Variants in SPAG16 observed in about 807,000 individuals in gnomAD.
SPAG16 encodes sperm-associated antigen 16 protein.
A neutral mutation model predicts 80.4 loss-of-function variants in SPAG16; 86 were observed. The ratio of observed to expected loss-of-function variants is 1.07; its 90% CI spans 0.90 to 1.28. The LOEUF is 1.28. Among genes scored for constraint, SPAG16 ranks in the 50% most tolerant of loss-of-function variants. SPAG16 has a pLI of 0.00. For synonymous variants in SPAG16, 294 were observed against 265.9 expected, an observed-to-expected ratio of 1.11 and a Z score of -1.03; for missense variants, 870 against 765.3, an observed-to-expected ratio of 1.14 and a Z score of -1.61.
chr2:213,310,425 ATTTAAG>A (rs1303501333), intron 4 of SPAG16, among the ~76,000 whole-genome samples: 24 of 151,956 alleles, frequency 1.6e-4, no homozygotes, highest in African/African-American at 1.4e-4. Context: ...TTTCCCAAAT[ATTTAAG>A]TTTAAGTAAT....
At chr2:213,565,973 G>A (rs936898048) in intron 10 of SPAG16, among the ~76,000 whole-genome samples, 1 of 152,156 alleles carries the variant, frequency 6.6e-6, no homozygotes, top group African/African-American at 2.4e-5. Context: ...GGTTGGAAAA[G>A]GAGTAAAAGC....
intron 7 of SPAG16, among the ~76,000 whole-genome samples, chr2:213,363,706 T>A (rs578039911): frequency 2.6e-5 from 4 of 152,088 alleles, no homozygotes; most frequent in Non-Finnish European, 5.9e-5. Context: ...TTACCTTGTA[T>A]TTTATAAATA....
At chr2:214,305,207 AT>A (rs1694830109) in intron 15 of SPAG16, among the ~76,000 whole-genome samples, 1 of 152,060 alleles carries the variant, frequency 6.6e-6, no homozygotes, top group African/African-American at 2.4e-5. Context: ...TCCGTTGCTC[AT>A]TTTTTAATGG....
intron 5 of SPAG16, among the ~76,000 whole-genome samples, chr2:213,334,780 GTA>G (rs2064269944): frequency 6.6e-6 from 1 of 152,168 alleles, no homozygotes; most frequent in African/African-American, 2.4e-5. Context: ...GAGATAGAGA[GTA>G]GAAGGATGGT....
At chr2:213,440,174 A>T (rs2070857663) in intron 9 of SPAG16, among the ~76,000 whole-genome samples, 2 of 152,332 alleles carry the variant, frequency 1.3e-5, no homozygotes, top group East Asian at 3.9e-4. Flanking sequence ...TGAATAAGCA[A>T]TATCAACTCA....
rs548493263 is a variant in SPAG16 at position 213,312,097 on chromosome 2, T to C, written c.398+1920T>C. Among the ~76,000 whole-genome samples, 6 of 151,788 alleles carry C rather than the reference T, an allele frequency of 4.0e-5. No individual in the cohort carries two copies. In the East Asian group the frequency reaches 1.2e-3, roughly 29 times the overall value. On this transcript the variant is annotated intron_variant, in intron 4 of 15. Transcript: ENST00000331683. ...AGATATAACCTTTCTTTAGGTATTG[T>C]ATATGGCTGCTTTCACTCTGTAAAA...
At chr2:214,131,299 G>C (rs959106104) in intron 14 of SPAG16, among the ~76,000 whole-genome samples, 11 of 151,496 alleles carry the variant, frequency 7.3e-5, no homozygotes, top group Non-Finnish European at 1.3e-4. Context: ...GAGAGCAGGA[G>C]TTTGAGATTA....
intron 15 of SPAG16, among the ~76,000 whole-genome samples, chr2:214,273,712 T>C (rs1031808889): frequency 2.0e-5 from 3 of 147,634 alleles, no homozygotes; most frequent in Non-Finnish European, 4.5e-5. Context: ...TGTAACATAG[T>C]TTGAAGTCAG....
At chr2:214,109,285 G>T (rs1290877669) in intron 14 of SPAG16, among the ~76,000 whole-genome samples, 1 of 152,140 alleles carries the variant, frequency 6.6e-6, no homozygotes, top group African/African-American at 2.4e-5. Context: ...GTCTTTAAAA[G>T]GGTTCAGATA....
intron 15 of SPAG16, among the ~76,000 whole-genome samples, chr2:214,318,916 G>A (rs1356168201): frequency 6.6e-6 from 1 of 152,096 alleles, no homozygotes; most frequent in African/African-American, 2.4e-5. Flanking sequence ...TAAGTTATGA[G>A]CAACTAAAAG....
chr2:214,404,785 G>T (rs1701904270), intron 15 of SPAG16, among the ~76,000 whole-genome samples: 1 of 152,022 alleles, frequency 6.6e-6, no homozygotes, highest in African/African-American at 2.4e-5. Context: ...AAAATAATTA[G>T]TATTCATAAT....
chr2:214,331,072 G>T (rs1360266883), intron 15 of SPAG16, among the ~76,000 whole-genome samples: 1 of 152,104 alleles, frequency 6.6e-6, no homozygotes, highest in East Asian at 1.9e-4. Flanking sequence ...ATCACCCTGG[G>T]CTATCATCTA....
intron 10 of SPAG16, among the ~76,000 whole-genome samples, chr2:213,574,497 G>A (rs111986184): frequency 1.3e-5 from 2 of 151,842 alleles, no homozygotes; most frequent in Non-Finnish European, 2.9e-5. Flanking sequence ...AATCCCATGT[G>A]CCAAGAAGGA....
chr2:213,530,390 T>C (rs927719858), intron 10 of SPAG16, among the ~76,000 whole-genome samples: 1 of 152,218 alleles, frequency 6.6e-6, no homozygotes, highest in African/African-American at 2.4e-5. Flanking sequence ...TGTAATCTTA[T>C]GGGACCACCA....
At chr2:213,694,036 G>T (rs2065053868) in intron 10 of SPAG16, among the ~76,000 whole-genome samples, 1 of 125,004 alleles carries the variant, frequency 8.0e-6, no homozygotes, top group South Asian at 2.5e-4. Flanking sequence ...GGTGCTTTAT[G>T]CAAGACAAAA....
At chr2:213,770,996 G>A (rs2069212889) in intron 10 of SPAG16, among the ~76,000 whole-genome samples, 1 of 152,120 alleles carries the variant, frequency 6.6e-6, no homozygotes, top group Non-Finnish European at 1.5e-5. Flanking sequence ...GGATTGCTGG[G>A]TCAAATGGTT....
intron 15 of SPAG16, among the ~76,000 whole-genome samples, chr2:214,308,939 C>T (rs975375180): frequency 6.6e-6 from 1 of 152,080 alleles, no homozygotes; most frequent in Non-Finnish European, 1.5e-5. Flanking sequence ...CCCTGTCTAG[C>T]TAGGTTGAGG....
intron 10 of SPAG16, among the ~76,000 whole-genome samples, chr2:213,613,850 T>C (rs565423988): frequency 1.3e-5 from 2 of 152,296 alleles, no homozygotes; most frequent in Admixed American, 1.3e-4. Flanking sequence ...GAATAAAAAA[T>C]TTGGAAGTAG....
intron 9 of SPAG16, among the ~76,000 whole-genome samples, chr2:213,415,910 T>G (rs17750805): frequency 0.22 from 33,128 of 152,142 alleles, 4,445 homozygotes; most frequent in Non-Finnish European, 0.31. Flanking sequence ...GAAGCTGCAG[T>G]TAGTTCTTTG....
Sources: allele counts gnomAD v4.1 joint callset (sites outside exome capture counted in the v4.1 genomes callset), GRCh38; gene constraint gnomAD v4.1.1; transcripts MANE v1.5; gene names NCBI Gene and HGNC (gene_info 2026-07-23, HGNC 2026-07-21).